The following CPZ variants were observed in gnomAD, a reference collection of about 807,000 sequenced individuals.
The protein encoded by CPZ is VEZT/CPZ fusion.
In CPZ, 103 loss-of-function variants were observed where a neutral mutation model predicts 61.8. That is an observed-to-expected ratio of 1.67 (90% CI 1.42 to 1.96). The LOEUF (loss-of-function observed/expected upper bound fraction) is 1.96. Ranked by LOEUF, CPZ falls within the 30% of genes most tolerant of loss-of-function variation. CPZ has a pLI of 0.00. For synonymous variants in CPZ, 551 were observed against 373.7 expected (o/e 1.47, Z -5.47); for missense variants, 1,461 against 914.9 (o/e 1.60, Z -7.70).
At chr4:8,619,062 C>G (rs1274895277) in intron 10 of CPZ, among the ~76,000 whole-genome samples, 200 bp from the exon 11 acceptor site, 3 of 151,948 alleles carry the variant, frequency 2.0e-5, no homozygotes, top group African/African-American at 7.3e-5. Context: ...AAGAGGGGTG[C>G]CTAAGCAGGG....
At chr4:8,618,567 G>A (rs1716409319) in intron 10 of CPZ, 39 bp downstream of exon 10, 3 of 1,594,382 alleles carry the variant, frequency 1.9e-6, no homozygotes, top group Non-Finnish European at 2.6e-6. Flanking sequence ...GACCACGTCT[G>A]CCAAGGAAAT....
At chr4:8,594,497 A>G (rs1714034619) in intron 1 of CPZ, among the ~76,000 whole-genome samples, 13 of 152,210 alleles carry the variant, frequency 8.5e-5, no homozygotes, top group Admixed American at 8.5e-4. Context: ...TGACCTGGGC[A>G]GATGGCCTGA....
At chr4:8,614,904 A>G (rs1283225980) in intron 9 of CPZ, among the ~76,000 whole-genome samples, 1 of 152,020 alleles carries the variant, frequency 6.6e-6, no homozygotes, top group African/African-American at 2.4e-5. Flanking sequence ...CAGGACAGGG[A>G]GAGCTCCCAG....
At chr4:8,604,250 C>T (rs1035210175) in intron 4 of CPZ, 62 bp downstream of exon 4, 17 of 1,426,364 alleles carry the variant, frequency 1.2e-5, no homozygotes, top group Non-Finnish European at 1.6e-5. Flanking sequence ...GGCCGCTCCA[C>T]CTTCGGGTGC....
At chr4:8,605,349 T>TCA (rs59970807) in intron 4 of CPZ, among the ~76,000 whole-genome samples, 10 of 146,780 alleles carry the variant, frequency 6.8e-5, no homozygotes, top group African/African-American at 2.7e-4. Context: ...CATCCATCCA[T>TCA]TTATTCATTC....
At chr4:8,596,607 G>T (rs1055510988) in intron 1 of CPZ, among the ~76,000 whole-genome samples, 1 of 152,244 alleles carries the variant, frequency 6.6e-6, no homozygotes, top group African/African-American at 2.4e-5. Flanking sequence ...TCACCCTCCT[G>T]TTGTATTAAT....
At chr4:8,616,527 T>G (rs938592443) in intron 9 of CPZ, among the ~76,000 whole-genome samples, 1 of 151,992 alleles carries the variant, frequency 6.6e-6, no homozygotes, top group Non-Finnish European at 1.5e-5. Flanking sequence ...GGCCCTGGGG[T>G]AGGCCCCCAG....
intron 10 of CPZ, among the ~76,000 whole-genome samples, chr4:8,618,951 A>C (rs904104715): frequency 2.0e-5 from 3 of 149,346 alleles, no homozygotes; most frequent in Admixed American, 6.6e-5. Flanking sequence ...GTATGCTGTG[A>C]TATGTGTTAC....
intron 4 of CPZ, among the ~76,000 whole-genome samples, chr4:8,604,663 G>A (rs931605374): frequency 3.9e-5 from 6 of 152,122 alleles, no homozygotes; most frequent in Non-Finnish European, 8.8e-5. Context: ...TGTATTTTTA[G>A]TAGAGACAGG....
At chr4:8,610,833 T>G (rs1216271994) in intron 7 of CPZ, among the ~76,000 whole-genome samples, 1 of 152,122 alleles carries the variant, frequency 6.6e-6, no homozygotes, top group Non-Finnish European at 1.5e-5. Context: ...TTTGTGTCTG[T>G]GGGACTGAGT....
chr4:8,617,197 A>T (rs984469168), intron 9 of CPZ, among the ~76,000 whole-genome samples: 1 of 152,200 alleles, frequency 6.6e-6, no homozygotes, highest in African/African-American at 2.4e-5. Flanking sequence ...GTGGGATTAG[A>T]GTTCACATGC....
intron 5 of CPZ, 138 bp from the exon 6 acceptor site, chr4:8,606,599 T>C: frequency 6.4e-6 from 7 of 1,093,334 alleles, no homozygotes; most frequent in Non-Finnish European, 9.5e-6. Context: ...GGGTCAGGCA[T>C]GCCCCCGAGC....
intron 10 of CPZ, among the ~76,000 whole-genome samples, chr4:8,618,965 G>GAC (rs1716446918): frequency 6.6e-6 from 1 of 151,968 alleles, no homozygotes; most frequent in Non-Finnish European, 1.5e-5. Context: ...GTGTTACCTG[G>GAC]CAGAGATGTG....
chr4:8,611,883 C>A (rs369378476), intron 7 of CPZ, 144 bp from the exon 8 acceptor site: 10 of 1,176,808 alleles, frequency 8.5e-6, no homozygotes, highest in Non-Finnish European at 1.2e-5. Context: ...GGACACCGTT[C>A]CCCTCTCCTA....
chr4:8,608,887 G>A (rs1454858500), intron 7 of CPZ, among the ~76,000 whole-genome samples: 1 of 152,202 alleles, frequency 6.6e-6, no homozygotes, highest in African/African-American at 2.4e-5. Flanking sequence ...TGGCCCAGCA[G>A]GAATGGGGAG....
intron 8 of CPZ, 35 bp downstream of exon 8, chr4:8,612,197 T>TG (rs777181061): frequency 2.0e-5 from 2 of 99,700 alleles, no homozygotes; most frequent in Non-Finnish European, 3.2e-5. Context: ...GGGCGGGGGG[T>TG]GGGGGGTGCA....
At chr4:8,607,731 C>T (rs560020337) in intron 7 of CPZ, among the ~76,000 whole-genome samples, 184 of 152,296 alleles carry the variant, frequency 1.2e-3, no homozygotes, top group African/African-American at 3.8e-3. Context: ...CTTTGAGCTC[C>T]GCCCCGCGCC....
chr4:8,612,819 A>G (rs527347868), intron 8 of CPZ, among the ~76,000 whole-genome samples: 90 of 152,278 alleles, frequency 5.9e-4, no homozygotes, highest in Middle Eastern at 3.4e-3. Flanking sequence ...CAGCTGAGAG[A>G]AGGACTTGCT....
In CPZ at chr4:8,618,413, C is replaced by T. The variant is rs1026608824; in HGVS notation, c.1504-16C>T. 3.1e-6 allele frequency: 5 copies of T among 1,613,696 alleles called. No homozygotes were observed. In the East Asian group the frequency reaches 8.9e-5, roughly 29 times the overall value. On this transcript the variant is annotated splice_polypyrimidine_tract_variant and intron_variant, in intron 9 of 10. Coordinates refer to ENST00000360986, the MANE Select transcript of CPZ (RefSeq NM_001014447.3). ...GAGCTCACGCCATCTCCCTGGCCTC[C>T]CCTTGGTCTCTTCAGGTGCACCGGG...
Sources: gnomAD v4.1 joint callset for allele counts (sites outside exome capture counted in the v4.1 genomes callset) on GRCh38, gnomAD v4.1.1 for gene constraint, MANE v1.5 for transcripts, NCBI Gene and HGNC (gene_info 2026-07-23, HGNC 2026-07-21) for gene names.